Variants in MST1R observed in about 807,000 individuals in gnomAD.
MST1R encodes the protein macrophage stimulating 1 receptor, also known as macrophage-stimulating protein receptor.
In MST1R, 99 loss-of-function variants were observed where a neutral mutation model predicts 117.8. The observed-to-expected ratio is 0.84, with a 90% CI of 0.71 to 0.99. MST1R has a LOEUF of 0.99. Among genes scored for constraint, MST1R ranks in the 50% least tolerant of loss-of-function variants. The pLI is 0.00. For missense variants in MST1R, 1,683 were observed against 1,840.2 expected (o/e 0.91, Z 1.56); for synonymous variants, 734 against 765.3 (o/e 0.96, Z 0.68).
At chr3:49,889,826 A>C (rs1575421830) in intron 19 of MST1R, 98 bp downstream of exon 19, 1 of 1,467,582 alleles carries the variant, frequency 6.8e-7, no homozygotes, top group Non-Finnish European at 9.4e-7. Context: ...CTAGTCAACC[A>C]GAAGTTCAGT....
intron 1 of MST1R, 66 bp downstream of exon 1, chr3:49,902,314 G>A (rs1190658536): frequency 6.5e-7 from 1 of 1,545,890 alleles, no homozygotes; most frequent in East Asian, 2.3e-5. Context: ...AGTGATGGAA[G>A]GGAAGCAGCC....
rs1191679073 is a variant in MST1R at position 49,887,567 on chromosome 3, T to TG, written c.3948-6dup. On this transcript the variant is annotated splice_polypyrimidine_tract_variant and splice_region_variant and intron_variant, in intron 19 of 19. Coordinates refer to ENST00000296474, the MANE Select transcript of MST1R (RefSeq NM_002447.4). ...CATTGCTGCATCACTTGGTACCTGTTGGGGGAAAGGGATGTCAGGTTAAGG... is the reference window on the plus strand; with the variant it reads ...CATTGCTGCATCACTTGGTACCTGTTGGGGGGAAAGGGATGTCAGGTTAAGG... The TG allele has an allele frequency of 1.4e-5, 22 of 1,613,264 alleles. No homozygotes were observed. Among genetic ancestry groups the TG allele is most frequent in the Non-Finnish European group, 1.7e-5 (20 of 1,179,496 alleles).
chr3:49,893,341 C>T (rs1350263377), intron 14 of MST1R, among the ~76,000 whole-genome samples: 2 of 151,630 alleles, frequency 1.3e-5, no homozygotes, highest in Non-Finnish European at 2.9e-5. Context: ...CAGTGGCTCA[C>T]GCCTGTAATC....
At chr3:49,897,776 G>C in intron 5 of MST1R, 91 bp from the exon 6 acceptor site, 1 of 1,477,228 alleles carries the variant, frequency 6.8e-7, no homozygotes, top group Non-Finnish European at 9.1e-7. Context: ...CTCTGAGCCA[G>C]AGAATGGCAT....
Position 49,903,702 on chromosome 3 carries a change from G to T in MST1R, c.-93C>A. The T allele has an allele frequency of 6.8e-7, 1 of 1,479,638 alleles. No individual in the cohort carries two copies. Among genetic ancestry groups the T allele is most frequent in the Non-Finnish European group, 8.9e-7 (1 of 1,119,016 alleles). 91.7% of individuals were successfully genotyped at this position (1,479,638 alleles called of 1,614,324 possible). A position where few individuals can be genotyped will look rare whatever the true frequency, so the allele number is the denominator to read the frequency against. On this transcript the variant is annotated 5_prime_UTR_variant, in exon 1 of 20. Coordinates refer to ENST00000296474, the MANE Select transcript of MST1R (RefSeq NM_002447.4). ...GGGGCCCGACTCGAGGTCTGGACTGGGCCAAATTTAAGCAGCGGTCCCGAC... is the reference window on the plus strand; with the variant it reads ...GGGGCCCGACTCGAGGTCTGGACTGTGCCAAATTTAAGCAGCGGTCCCGAC...
chr3:49,902,687 C>G lies in MST1R; in HGVS notation c.923G>C (p.Arg308Pro), dbSNP rs761090501. 1 of 1,613,444 alleles carries G rather than the reference C, an allele frequency of 6.2e-7. No individual in the cohort carries two copies. The highest frequency in any genetic ancestry group is 1.7e-5 in the Admixed American group (1 of 60,034). ...LDCRFAPKRR[R>P]RGAPEGGQPY... ...CTGTCCGCCTTCTGGGGCCCCCCGG[C>G]GCCTGCGTTTTGGAGCAAATCTGCA... The change falls in exon 1 of 20, where the codon CGC becomes CCC. Residue 308 changes from arginine (R) to proline (P), a missense_variant. Arg to Pro is a moderately radical substitution (Grantham distance 103). Coordinates refer to ENST00000296474, the MANE Select transcript of MST1R (RefSeq NM_002447.4).
Position 49,898,866 on chromosome 3 carries a change from C to T in MST1R, c.1548+1G>A, listed in dbSNP as rs1337961313. 1 of 1,613,932 alleles carries T rather than the reference C, an allele frequency of 6.2e-7. No individual in the cohort carries two copies. The highest frequency in any genetic ancestry group is 2.2e-5 in the East Asian group (1 of 44,900). On this transcript the variant is annotated splice_donor_variant, in intron 3 of 19. Transcript: ENST00000296474. LOFTEE classifies it high-confidence loss of function. ...CCAGGCCCTGCCCCTGCCCACCTCACCTGGTCCCCAGAGGCAAAGAGTAGG... is the reference window on the plus strand; with the variant it reads ...CCAGGCCCTGCCCCTGCCCACCTCATCTGGTCCCCAGAGGCAAAGAGTAGG...
At chr3:49,891,940 C>A in intron 14 of MST1R, 102 bp from the exon 15 acceptor site, 1 of 805,136 alleles carries the variant, frequency 1.2e-6, no homozygotes, top group Non-Finnish European at 2.1e-6. Context: ...CTAAACTGGC[C>A]AATCTGACAT....
chr3:49,903,264 CG>C lies in MST1R; in HGVS notation c.345del (p.Gly116ValfsTer33), dbSNP rs758062275. 521 of 1,609,792 alleles carry C rather than the reference CG, an allele frequency of 3.2e-4. No individual in the cohort carries two copies. Among genetic ancestry groups the C allele is most frequent in the Non-Finnish European group, 4.1e-4 (487 of 1,179,960 alleles). On this transcript the variant is annotated frameshift_variant, in exon 1 of 20. Transcript: ENST00000296474. LOFTEE classifies it high-confidence loss of function. ...AACGPGPHGP[P>X]GDTDTKVLVL... Reference sequence around the variant, plus strand: ...ACCAGCACCTTTGTGTCTGTGTCACCGGGAGGGCCGTGGGGTCCTGGGCCAC... The same window carrying C: ...ACCAGCACCTTTGTGTCTGTGTCACCGGAGGGCCGTGGGGTCCTGGGCCAC...
chr3:49,892,269 T>C (rs1559469956), intron 14 of MST1R, among the ~76,000 whole-genome samples: 3 of 150,686 alleles, frequency 2.0e-5, no homozygotes, highest in Non-Finnish European at 4.4e-5. Context: ...CGGCCCAATC[T>C]GACATTTTAA....
chr3:49,896,476 G>C (rs188120503), intron 9 of MST1R, 64 bp downstream of exon 9: 2 of 1,606,442 alleles, frequency 1.2e-6, no homozygotes, highest in South Asian at 1.1e-5. Context: ...AGCCCAGCAC[G>C]AGGTTGGGCT....
chr3:49,899,292 C>A, intron 1 of MST1R, 29 bp from the exon 2 acceptor site: 1 of 1,612,214 alleles, frequency 6.2e-7, no homozygotes, highest in South Asian at 1.1e-5. Context: ...GGGAAGGAGT[C>A]AGGGTTCAGC....
At position 49,896,252 on chromosome 3, in the gene MST1R, A is replaced by T; in HGVS notation, c.2592T>A (p.His864Gln). 2 of 1,614,042 alleles carry T rather than the reference A, an allele frequency of 1.2e-6. No homozygotes were observed. Among genetic ancestry groups the T allele is most frequent in the Non-Finnish European group, 1.7e-6 (2 of 1,179,992 alleles). ...LPGFRFLPPP[H>Q]PPSANLVPLK... ...GTGGAACTAGGTTGGCACTGGGTGG[A>T]TGGGGTGGGGGTAGGAAGCGAAAGC... is the stretch of plus-strand genomic sequence containing the variant. Residue 864 changes from histidine to glutamine, a missense_variant, in exon 10 of 20, where the codon CAT (histidine) becomes CAA (glutamine). His to Gln is a conservative substitution (Grantham distance 24, BLOSUM62 0). Transcript: ENST00000296474.
At position 49,895,696 on chromosome 3, in the gene MST1R, G is replaced by A. The variant is rs762648132; in HGVS notation, c.2962+19C>T. ...GGTTGGGGGTAGGGGCTGATTAAAG[G>A]TAGGAGCAGAGAACTCACCTAGCTG... On this transcript the variant is annotated intron_variant, in intron 12 of 19. Transcript: ENST00000296474. 2.5e-6 allele frequency: 4 copies of A among 1,612,056 alleles called. No individual in the cohort carries two copies. The Admixed American group carries it at 5.0e-5, about 20-fold the overall frequency.
chr3:49,895,413 G>A (rs1294553852), intron 13 of MST1R, 34 bp downstream of exon 13: 17 of 1,613,992 alleles, frequency 1.1e-5, no homozygotes, highest in Non-Finnish European at 1.4e-5. Context: ...GGGACAGGGG[G>A]TGGCTTTAGC....
At chr3:49,895,408 A>C in intron 13 of MST1R, 35 bp from the exon 14 acceptor site, 3 of 1,613,992 alleles carry the variant, frequency 1.9e-6, no homozygotes, top group Non-Finnish European at 2.5e-6. Flanking sequence ...TTGTAGGGAC[A>C]GGGGGTGGCT....
Position 49,897,515 on chromosome 3 carries a change from C to T in MST1R, c.2046+5G>A, listed in dbSNP as rs1261930532. The T allele has an allele frequency of 3.7e-6, 6 of 1,612,892 alleles. No homozygotes were observed. Among genetic ancestry groups the T allele is most frequent in the Non-Finnish European group, 5.1e-6 (6 of 1,179,402 alleles). ...AAGGGCACAGACAGGGCAAGGTAGC[C>T]TCACCATGAAAGAGAAGCCTCTCAG... is the stretch of plus-strand genomic sequence containing the variant. On this transcript the variant is annotated splice_donor_5th_base_variant and intron_variant, in intron 6 of 19. Coordinates refer to ENST00000296474, the MANE Select transcript of MST1R (RefSeq NM_002447.4).
Position 49,887,368 on chromosome 3 carries a change from G to A in MST1R, c.4142C>T (p.Ser1381Leu), listed in dbSNP as rs2108349953. The stretch of plus-strand genomic sequence containing the variant: ...CCGGCGTACATTCCCTGGCATGGGT[G>A]AGAACTGCGGCTGTTCTGGACGCAC... ...MNVRPEQPQF[S>L]PMPGNVRRPR... is the part of the protein sequence containing the mutation. The change falls in exon 20 of 20, where the codon TCA becomes TTA. Residue 1381 changes from serine (S) to leucine (L), a missense_variant. By Grantham distance (145) the Ser-to-Leu change is moderately radical. Coordinates refer to ENST00000296474, the MANE Select transcript of MST1R (RefSeq NM_002447.4). 1 of 1,614,270 alleles carries A rather than the reference G, an allele frequency of 6.2e-7. No individual in the cohort carries two copies. The highest frequency in any genetic ancestry group is 8.5e-7 in the Non-Finnish European group (1 of 1,180,046).
chr3:49,898,003 G>A (rs2108463194), intron 5 of MST1R, 48 bp downstream of exon 5: 1 of 1,611,016 alleles, frequency 6.2e-7, no homozygotes, highest in South Asian at 1.1e-5. Context: ...GGAAGGGGCT[G>A]CTTGGTTTCC....
Sources: gnomAD v4.1 joint callset for allele counts (sites outside exome capture counted in the v4.1 genomes callset) on GRCh38, gnomAD v4.1.1 for gene constraint, MANE v1.5 for transcripts, NCBI Gene and HGNC (gene_info 2026-07-23, HGNC 2026-07-21) for gene names.